AGMO: variants seen among roughly 807,000 people sequenced by gnomAD.
AGMO encodes alkylglycerol monooxygenase.
In AGMO, 75 loss-of-function variants were observed where a neutral mutation model predicts 60.2. The observed-to-expected ratio is 1.25, with a 90% CI of 1.03 to 1.51. The LOEUF (loss-of-function observed/expected upper bound fraction) is 1.51. AGMO is among the 40% of genes most tolerant of loss of function. The pLI is 0.00. For synonymous variants in AGMO, 261 were observed against 177.1 expected, an observed-to-expected ratio of 1.47 and a Z score of -3.76; for missense variants, 763 against 525.5, an observed-to-expected ratio of 1.45 and a Z score of -4.42.
chr7:15,301,511 T>G (rs1015883213), intron 12 of AGMO, among the ~76,000 whole-genome samples: 6 of 152,024 alleles, frequency 3.9e-5, no homozygotes, highest in South Asian at 2.1e-4. Context: ...TTGTTTTTTT[T>G]TAAACCAACT....
At chr7:15,293,919 A>C (rs1430904250) in intron 12 of AGMO, among the ~76,000 whole-genome samples, 1 of 152,074 alleles carries the variant, frequency 6.6e-6, no homozygotes, top group Admixed American at 6.5e-5. Flanking sequence ...ATATCTCTGA[A>C]GAAATAATGT....
intron 5 of AGMO, among the ~76,000 whole-genome samples, chr7:15,406,364 A>T (rs967108237): frequency 7.1e-6 from 1 of 140,980 alleles, no homozygotes; most frequent in Non-Finnish European, 1.5e-5. Context: ...ATATGTATAT[A>T]CACACATACA....
intron 3 of AGMO, among the ~76,000 whole-genome samples, chr7:15,514,289 C>G (rs983342136): frequency 1.1e-4 from 17 of 152,200 alleles, no homozygotes; most frequent in Admixed American, 3.3e-4. Flanking sequence ...ATCAATAAGC[C>G]AAAGCACCTT....
chr7:15,396,508 G>C (rs924665965), intron 5 of AGMO: 2 of 152,252 alleles, frequency 1.3e-5, no homozygotes, highest in African/African-American at 4.8e-5. Flanking sequence ...ACGAGCAGCA[G>C]CAATACATAC....
intron 8 of AGMO, among the ~76,000 whole-genome samples, chr7:15,390,435 T>C (rs1784089527): frequency 6.6e-6 from 1 of 152,234 alleles, no homozygotes; most frequent in African/African-American, 2.4e-5. Context: ...AGCCACTTTA[T>C]TTTTCATTCT....
chr7:15,411,540 A>C (rs1780605828), intron 5 of AGMO, among the ~76,000 whole-genome samples: 2 of 152,122 alleles, frequency 1.3e-5, no homozygotes, highest in African/African-American at 4.8e-5. Flanking sequence ...GCATGAGATG[A>C]CTAATTGTGT....
intron 12 of AGMO, among the ~76,000 whole-genome samples, chr7:15,206,297 C>A (rs757136355): frequency 6.6e-6 from 1 of 151,896 alleles, no homozygotes; most frequent in Non-Finnish European, 1.5e-5. Context: ...CAAATGCCAA[C>A]TTACAAGAAA....
chr7:15,366,469 T>G (rs1782984654), intron 10 of AGMO, among the ~76,000 whole-genome samples: 1 of 152,144 alleles, frequency 6.6e-6, no homozygotes, highest in African/African-American at 2.4e-5. Context: ...CATCATCATT[T>G]AAAATTATCC....
Position 15,292,751 on chromosome 7 carries a change from CT to C in AGMO, c.1263+72762del, listed in dbSNP as rs765222435. Among the ~76,000 whole-genome samples, 891 of 95,090 alleles carry C rather than the reference CT, an allele frequency of 9.4e-3. 1 individual carries two copies. The highest frequency in any genetic ancestry group is 0.028 in the African/African-American group (614 of 21,776). 62.4% of individuals were successfully genotyped at this position (95,090 alleles called of 152,430 possible). ...AATACAGTCTCCTCCTTTTTTTTTC[CT>C]TTTTTTTTTTTTTTTTTTTTTTGAG... On this transcript the variant is annotated intron_variant, in intron 12 of 12. Transcript: ENST00000342526.
chr7:15,518,238 C>T (rs1051399137), intron 3 of AGMO, among the ~76,000 whole-genome samples: 2 of 152,076 alleles, frequency 1.3e-5, no homozygotes, highest in African/African-American at 2.4e-5. Context: ...CAGCTGTGGG[C>T]GCAGCTTCAA....
At chr7:15,354,311 C>CGT (rs1782369389) in intron 12 of AGMO, among the ~76,000 whole-genome samples, 5 of 84,796 alleles carry the variant, frequency 5.9e-5, no homozygotes, top group Non-Finnish European at 1.1e-4. Context: ...TACGTGTATA[C>CGT]ACGCGTGTAT....
chr7:15,285,025 G>C (rs998558211), intron 12 of AGMO, among the ~76,000 whole-genome samples: 4 of 151,730 alleles, frequency 2.6e-5, no homozygotes, highest in African/African-American at 9.7e-5. Context: ...ATAAAATCTA[G>C]CATCACTGTA....
intron 3 of AGMO, among the ~76,000 whole-genome samples, chr7:15,453,923 G>A (rs1479948375): frequency 1.3e-5 from 2 of 148,470 alleles, no homozygotes; most frequent in African/African-American, 4.9e-5. Context: ...AAAATATAAT[G>A]TTTCATTATT....
At chr7:15,145,036 G>C in the AGMO span, among the ~76,000 whole-genome samples, 1 of 152,118 alleles carries the variant, frequency 6.6e-6, no homozygotes, top group Non-Finnish European at 1.5e-5. Flanking sequence ...CACCGTGTTA[G>C]CCAGGATGGG....
chr7:15,244,897 C>T (rs1489399787), intron 12 of AGMO, among the ~76,000 whole-genome samples: 2 of 152,182 alleles, frequency 1.3e-5, no homozygotes, highest in Non-Finnish European at 2.9e-5. Context: ...TGTGATCTGC[C>T]TGCCTTGGTC....
chr7:15,432,638 A>G (rs1781287919), intron 3 of AGMO, among the ~76,000 whole-genome samples: 1 of 151,800 alleles, frequency 6.6e-6, no homozygotes, highest in South Asian at 2.1e-4. Flanking sequence ...ATTGTCATCA[A>G]CCACAGCAGA....
At chr7:15,155,254 T>C in the AGMO span, among the ~76,000 whole-genome samples, 1 of 152,206 alleles carries the variant, frequency 6.6e-6, no homozygotes, top group South Asian at 2.1e-4. Flanking sequence ...AGCTTTGGTC[T>C]CTTTACATAA....
At position 15,384,596 on chromosome 7, in the gene AGMO, G is replaced by A. The variant is rs540404424; in HGVS notation, c.1074+850C>T. ...TATAACTATTATTCAGAGTTACCAT[G>A]TAACTTTCAACATTGCTGATTCACT... is the stretch of plus-strand genomic sequence containing the variant. On this transcript the variant is annotated intron_variant, in intron 10 of 12. Transcript: ENST00000342526. Among the ~76,000 whole-genome samples the A allele has an allele frequency of 5.9e-5, 9 of 152,146 alleles. No homozygotes were observed. In the South Asian group the frequency reaches 1.7e-3, roughly 28 times the overall value.
At chr7:15,237,054 T>C (rs912341235) in intron 12 of AGMO, among the ~76,000 whole-genome samples, 4 of 152,162 alleles carry the variant, frequency 2.6e-5, no homozygotes, top group Non-Finnish European at 5.9e-5. Flanking sequence ...TTGAATACCT[T>C]TTTAAAGTAA....
Sources: allele counts gnomAD v4.1 joint callset (sites outside exome capture counted in the v4.1 genomes callset), GRCh38; gene constraint gnomAD v4.1.1; transcripts MANE v1.5; gene names NCBI Gene and HGNC (gene_info 2026-07-23, HGNC 2026-07-21).